Variants in ASTN2 observed in about 807,000 individuals in gnomAD.
The protein encoded by ASTN2 is astrotactin-2.
A neutral mutation model predicts 139.8 loss-of-function variants in ASTN2; 54 were observed. The ratio of observed to expected loss-of-function variants is 0.39; its 90% CI spans 0.31 to 0.48. ASTN2 has a LOEUF of 0.48. ASTN2 is among the 20% of genes least tolerant of loss of function. The pLI is 0.95. For missense variants in ASTN2, 1,565 were observed against 1,725.1 expected (o/e 0.91, Z 1.64); for synonymous variants, 756 against 719.5 (o/e 1.05, Z -0.81).
chr9:116,707,647 A>C (rs1225758444), intron 16 of ASTN2, among the ~76,000 whole-genome samples: 1 of 152,210 alleles, frequency 6.6e-6, no homozygotes, highest in Non-Finnish European at 1.5e-5. Context: ...TTGGAAATCC[A>C]AAATTAAAGA....
intron 11 of ASTN2, among the ~76,000 whole-genome samples, chr9:116,860,956 G>A (rs1832861233): frequency 6.6e-6 from 1 of 152,146 alleles, no homozygotes; most frequent in Non-Finnish European, 1.5e-5. Flanking sequence ...AGAAATGAAA[G>A]GGATTTAAAA....
intron 6 of ASTN2, among the ~76,000 whole-genome samples, chr9:117,030,655 C>T (rs1297719921): frequency 2.0e-5 from 3 of 151,854 alleles, no homozygotes; most frequent in African/African-American, 7.3e-5. Context: ...AGCCACTTGT[C>T]ATTTTAACCT....
At chr9:116,946,061 A>G (rs1835385467) in intron 10 of ASTN2, among the ~76,000 whole-genome samples, 1 of 152,202 alleles carries the variant, frequency 6.6e-6, no homozygotes, top group African/African-American at 2.4e-5. Context: ...ACAAATAATC[A>G]GATCTCTTGA....
intron 5 of ASTN2, among the ~76,000 whole-genome samples, chr9:117,045,225 T>G (rs1838696583): frequency 6.9e-6 from 1 of 145,828 alleles, no homozygotes; most frequent in Non-Finnish European, 1.5e-5. Context: ...AGAGCTGATG[T>G]GAGGACAGAA....
chr9:116,565,379 CTCTCTCTCCATATATATA>C lies in ASTN2; in HGVS notation c.3355+52927_3355+52944del, dbSNP rs1325556246. ...TCTCTCTCTCTCTCTCTCTCTCTCT[CTCTCTCTCCATATATATA>C]TATATATATATATATATATATATAT... On this transcript the variant is annotated intron_variant, in intron 19 of 22. Transcript: ENST00000313400. Among the ~76,000 whole-genome samples the C allele has an allele frequency of 2.0e-3, 68 of 34,396 alleles. 1 individual carries two copies. Among genetic ancestry groups the C allele is most frequent in the East Asian group, 5.5e-3 (8 of 1,454 alleles). 22.6% of individuals were successfully genotyped at this position (34,396 alleles called of 152,430 possible). A position where few individuals can be genotyped will look rare whatever the true frequency, so the allele number is the denominator to read the frequency against.
chr9:117,197,307 GTA>G (rs1208118525), intron 3 of ASTN2: 1 of 152,154 alleles, frequency 6.6e-6, no homozygotes, highest in Non-Finnish European at 1.5e-5. Context: ...TTAGTCAAGG[GTA>G]TATGAGTAGC....
intron 3 of ASTN2, among the ~76,000 whole-genome samples, chr9:117,211,940 T>TACAGATAGAA (rs1832147124): frequency 1.5e-4 from 3 of 20,394 alleles, no homozygotes; most frequent in Non-Finnish European, 2.7e-4. Flanking sequence ...CCCATGCTCA[T>TACAGATAGAA]GCAATCTTGA....
intron 13 of ASTN2, among the ~76,000 whole-genome samples, chr9:116,803,481 AATATATATATATATATAT>A (rs1168011369): frequency 2.4e-4 from 19 of 80,108 alleles, no homozygotes; most frequent in African/African-American, 7.8e-4. Context: ...AAGTTCGAAT[AATATATATATATATATAT>A]ATATATATAT....
chr9:116,489,044 C>A (rs1382602213), intron 19 of ASTN2, among the ~76,000 whole-genome samples: 1 of 152,134 alleles, frequency 6.6e-6, no homozygotes, highest in Non-Finnish European at 1.5e-5. Flanking sequence ...TTCTTTTCTT[C>A]ATGCCTGATA....
chr9:116,426,063 G>T lies in ASTN2; in HGVS notation c.3808C>A (p.Leu1270Met). ...GAGCAGTGGCTACTCACCCTCTCCAGTCGCCGTAGAATCAGGTGGGCCTTC... is the reference window on the plus strand; with the variant it reads ...GAGCAGTGGCTACTCACCCTCTCCATTCGCCGTAGAATCAGGTGGGCCTTC... ...PRKAHLILRR[L>M]ERVSSHCSSL... Residue 1270 changes from leucine to methionine, a missense_variant, in exon 23 of 23, where the codon CTG becomes ATG. By Grantham distance (15) the Leu-to-Met change is conservative. Around this residue, in one of 4 missense-constraint regions of ASTN2, gnomAD observed 418 missense variants for 465.8 expected, o/e 0.90. Coordinates refer to ENST00000313400, the MANE Select transcript of ASTN2 (RefSeq NM_001365068.1). 1 of 1,613,676 alleles carries T rather than the reference G, an allele frequency of 6.2e-7. No individual in the cohort carries two copies. The highest frequency in any genetic ancestry group is 8.5e-7 in the Non-Finnish European group (1 of 1,180,026).
intron 2 of ASTN2, among the ~76,000 whole-genome samples, chr9:117,270,006 G>C (rs945456090): frequency 6.6e-6 from 1 of 152,126 alleles, no homozygotes; most frequent in African/African-American, 2.4e-5. Flanking sequence ...CTCAAAAAGT[G>C]AATTAATTTG....
At chr9:116,601,221 T>C (rs568451511) in intron 19 of ASTN2, among the ~76,000 whole-genome samples, 133 of 152,240 alleles carry the variant, frequency 8.7e-4, no homozygotes, top group African/African-American at 3.1e-3. Context: ...GTAGCATCAA[T>C]AGTAGAGAGA....
chr9:116,763,986 T>C (rs1829741418), intron 13 of ASTN2, among the ~76,000 whole-genome samples: 1 of 152,172 alleles, frequency 6.6e-6, no homozygotes, highest in African/African-American at 2.4e-5. Flanking sequence ...TCACTGAGCA[T>C]CCCTTGGGGG....
At chr9:117,318,358 G>A (rs1163653792) in intron 1 of ASTN2, among the ~76,000 whole-genome samples, 1 of 152,130 alleles carries the variant, frequency 6.6e-6, no homozygotes, top group Non-Finnish European at 1.5e-5. Context: ...TAGGTATTAT[G>A]GTCATTATTA....
intron 3 of ASTN2, chr9:117,196,976 G>T (rs938983352): frequency 1.3e-5 from 2 of 152,132 alleles, no homozygotes; most frequent in Non-Finnish European, 2.9e-5. Flanking sequence ...AAATGCATGT[G>T]CCTTCTGATG....
intron 19 of ASTN2, among the ~76,000 whole-genome samples, chr9:116,530,125 AT>A (rs1564345736): frequency 1.7e-4 from 9 of 52,918 alleles, no homozygotes; most frequent in African/African-American, 4.7e-4. Flanking sequence ...ATATATATAT[AT>A]ATATATATAT....
chr9:116,500,597 G>A (rs1033676488), intron 19 of ASTN2, among the ~76,000 whole-genome samples: 7 of 152,214 alleles, frequency 4.6e-5, no homozygotes, highest in African/African-American at 1.7e-4. Context: ...TCCTTTGAGA[G>A]GGAAAAGCAG....
intron 10 of ASTN2, among the ~76,000 whole-genome samples, chr9:116,914,313 C>A (rs1172256391): frequency 6.6e-6 from 1 of 151,892 alleles, no homozygotes; most frequent in Admixed American, 6.6e-5. Flanking sequence ...GCTTCATCTG[C>A]AAAATGGGAA....
chr9:116,886,736 A>AT (rs375999037), intron 10 of ASTN2, among the ~76,000 whole-genome samples: 67 of 82,860 alleles, frequency 8.1e-4, no homozygotes, highest in South Asian at 2.9e-3. Context: ...ATAAAAGAAT[A>AT]TTTTTTTTAT....
Sources: gnomAD v4.1 joint callset for allele counts (sites outside exome capture counted in the v4.1 genomes callset) on GRCh38, gnomAD v4.1.1 for gene constraint, gnomAD v4.1.1 regional missense constraint, MANE v1.5 for transcripts, NCBI Gene and HGNC (gene_info 2026-07-23, HGNC 2026-07-21) for gene names.